The following ZYG11B variants were observed in gnomAD, a reference collection of about 807,000 sequenced individuals.
ZYG11B encodes protein zyg-11 homolog B.
Under a neutral mutation model 82.4 loss-of-function variants are expected in ZYG11B, and 36 were observed. The observed-to-expected ratio is 0.44, with a 90% CI of 0.33 to 0.58. The LOEUF (loss-of-function observed/expected upper bound fraction) is 0.58, where lower values mean the gene tolerates loss of function less well. Among genes scored for constraint, ZYG11B ranks in the 20% least tolerant of loss-of-function variants. The pLI is 0.02. For synonymous variants in ZYG11B, 303 were observed against 312.8 expected, an observed-to-expected ratio of 0.97 and a Z score of 0.33; for missense variants, 552 against 895.6, an observed-to-expected ratio of 0.62 and a Z score of 4.90.
At chr1:52,738,163 A>T (rs908930734) in intron 1 of ZYG11B, among the ~76,000 whole-genome samples, 1 of 152,170 alleles carries the variant, frequency 6.6e-6, no homozygotes, top group South Asian at 2.1e-4. Context: ...GTTACTGCTA[A>T]ATCTAGAGGG....
rs552433134 is a variant in ZYG11B, at chr1:52,763,814, A to G, written c.196+7191A>G. Among the ~76,000 whole-genome samples, 11 of 152,308 alleles carry G rather than the reference A, an allele frequency of 7.2e-5. No individual in the cohort carries two copies. In the East Asian group the frequency reaches 1.9e-3, roughly 27 times the overall value. On this transcript the variant is annotated intron_variant, in intron 2 of 13. Transcript: ENST00000294353. ...ATAATGTTTCTGTGTCATACTGTCA[A>G]TCTAATCTAAATTTATAAATCTTGA...
Position 52,816,780 on chromosome 1 carries a change from C to CTT in ZYG11B, c.2044+175_2044+176dup, listed in dbSNP as rs71044423. The CTT allele has an allele frequency of 9.4e-3, 2,490 of 263,548 alleles. 15 individuals carry two copies. Among genetic ancestry groups the CTT allele is most frequent in the African/African-American group, 0.014 (327 of 23,480 alleles). The allele number at this position is 263,548 out of a possible 1,614,324, so 16.3% of individuals were successfully genotyped here. ...TCTTAGGTTATAAACTTAAGGTATT[C>CTT]TTTTTTTTTTTTTTTTTTTTTTTTT... is the stretch of plus-strand genomic sequence containing the variant. On this transcript the variant is annotated intron_variant, in intron 13 of 13. Transcript: ENST00000294353.
rs1254432670 is a variant in ZYG11B, at chr1:52,769,157, T to C, written c.197-1863T>C. Among the ~76,000 whole-genome samples, 3 of 152,226 alleles carry C rather than the reference T, an allele frequency of 2.0e-5. No homozygotes were observed. In the East Asian group the frequency reaches 5.8e-4, roughly 29 times the overall value. On this transcript the variant is annotated intron_variant, in intron 2 of 13. Transcript: ENST00000294353. Reference sequence around the variant, plus strand: ...TATTTTTCTTTGTATCTACAACATTTAGAGTACTTGACATATAGTAATTGT... The same window carrying C: ...TATTTTTCTTTGTATCTACAACATTCAGAGTACTTGACATATAGTAATTGT...
chr1:52,807,281 C>T (rs1371860296), intron 10 of ZYG11B, among the ~76,000 whole-genome samples: 2 of 151,422 alleles, frequency 1.3e-5, no homozygotes, highest in East Asian at 2.0e-4. Flanking sequence ...GGATTACAGG[C>T]GTGAGGCACC....
At position 52,802,618 on chromosome 1, in the gene ZYG11B, T is replaced by C. The variant is rs578110718; in HGVS notation, c.1695+479T>C. Among the ~76,000 whole-genome samples the C allele has an allele frequency of 2.4e-4, 36 of 151,888 alleles. No individual in the cohort carries two copies. The South Asian group carries it at 7.3e-3, about 31-fold the overall frequency. ...CTCCTACCTCGGCCTCCCAAAGTGC[T>C]GGGATTATAGGCATGAGCTGCCTGG... is the stretch of plus-strand genomic sequence containing the variant. On this transcript the variant is annotated intron_variant, in intron 10 of 13. Transcript: ENST00000294353.
intron 13 of ZYG11B, 65 bp downstream of exon 13, chr1:52,816,694 G>T: frequency 8.5e-7 from 1 of 1,174,332 alleles, no homozygotes; most frequent in Non-Finnish European, 1.2e-6. Flanking sequence ...TCCCAGGAAA[G>T]ATATTTCTAA....
intron 1 of ZYG11B, among the ~76,000 whole-genome samples, chr1:52,746,205 G>GC (rs1644475107): frequency 6.6e-6 from 1 of 152,014 alleles, no homozygotes; most frequent in African/African-American, 2.4e-5. Context: ...ACCCGCCTTG[G>GC]CCCCCCAAAA....
At chr1:52,781,923 G>C (rs1644859994) in intron 4 of ZYG11B, among the ~76,000 whole-genome samples, 1 of 151,742 alleles carries the variant, frequency 6.6e-6, no homozygotes, top group African/African-American at 2.4e-5. Context: ...CTTGGTATAT[G>C]AATTGTCTTT....
intron 1 of ZYG11B, 41 bp downstream of exon 1, chr1:52,726,724 C>A: frequency 6.9e-7 from 1 of 1,445,742 alleles, no homozygotes; most frequent in South Asian, 1.4e-5. Flanking sequence ...CCGCCCGCCA[C>A]CCTAGCCCCC....
intron 10 of ZYG11B, among the ~76,000 whole-genome samples, chr1:52,811,707 A>G (rs1314678552): frequency 1.3e-5 from 2 of 151,430 alleles, no homozygotes; most frequent in Non-Finnish European, 2.9e-5. Context: ...TCAGATACTT[A>G]GTTTTGTTTT....
intron 10 of ZYG11B, among the ~76,000 whole-genome samples, chr1:52,806,925 G>A (rs920977829): frequency 6.6e-6 from 1 of 151,682 alleles, no homozygotes; most frequent in Non-Finnish European, 1.5e-5. Flanking sequence ...CTAGAGTGCA[G>A]TGGTGTGATC....
At chr1:52,764,068 C>G (rs576109969) in intron 2 of ZYG11B, among the ~76,000 whole-genome samples, 2 of 152,110 alleles carry the variant, frequency 1.3e-5, no homozygotes, top group Non-Finnish European at 2.9e-5. Context: ...CTGTATTTTA[C>G]TCCTTGAAAG....
chr1:52,762,174 A>G (rs1172196506), intron 2 of ZYG11B, among the ~76,000 whole-genome samples: 6 of 147,730 alleles, frequency 4.1e-5, no homozygotes, highest in African/African-American at 1.5e-4. Flanking sequence ...TTAGTTTGAT[A>G]TAATCCCATT....
intron 1 of ZYG11B, among the ~76,000 whole-genome samples, chr1:52,735,359 C>T (rs1644370709): frequency 1.3e-5 from 2 of 152,132 alleles, no homozygotes; most frequent in African/African-American, 4.8e-5. Context: ...CTTTGAAGAA[C>T]AATATGTCTT....
Position 52,775,675 on chromosome 1 carries a change from A to G in ZYG11B, c.951+3901A>G, listed in dbSNP as rs1160998618. Among the ~76,000 whole-genome samples the G allele has an allele frequency of 2.1e-5, 3 of 139,704 alleles. No individual in the cohort carries two copies. The Admixed American group carries it at 2.2e-4, about 10-fold the overall frequency. The allele number at this position is 139,704 out of a possible 152,430, so 91.7% of individuals were successfully genotyped here. A position where few individuals can be genotyped will look rare whatever the true frequency, so the allele number is the denominator to read the frequency against. ...CACTGCACTCCAGCCTGGGCGATAG[A>G]GTGGGTCTGTGTCTCAAAAACAAAA... On this transcript the variant is annotated intron_variant, in intron 3 of 13. Coordinates refer to ENST00000294353, the MANE Select transcript of ZYG11B (RefSeq NM_024646.3).
intron 1 of ZYG11B, 112 bp downstream of exon 1, chr1:52,726,795 C>A: frequency 9.7e-7 from 1 of 1,033,302 alleles, no homozygotes; most frequent in South Asian, 2.2e-5. Flanking sequence ...CCTCGGGCTC[C>A]CTGCCTTTAC....
At chr1:52,754,804 T>C (rs1368785919) in intron 1 of ZYG11B, among the ~76,000 whole-genome samples, 1 of 152,244 alleles carries the variant, frequency 6.6e-6, no homozygotes, top group Non-Finnish European at 1.5e-5. Flanking sequence ...TTTACACCTA[T>C]GTTTTCTTCT....
intron 10 of ZYG11B, among the ~76,000 whole-genome samples, chr1:52,810,560 A>T (rs1249821731): frequency 6.6e-6 from 1 of 152,192 alleles, no homozygotes; most frequent in Non-Finnish European, 1.5e-5. Flanking sequence ...GCAATAGCTC[A>T]CTTTGTTTTC....
chr1:52,786,736 A>C (rs972998414), intron 5 of ZYG11B, among the ~76,000 whole-genome samples: 1 of 152,168 alleles, frequency 6.6e-6, no homozygotes, highest in Non-Finnish European at 1.5e-5. Context: ...AACTGTGATC[A>C]AGCCACTGTA....
Sources: gnomAD v4.1 joint callset for allele counts (sites outside exome capture counted in the v4.1 genomes callset) on GRCh38, gnomAD v4.1.1 for gene constraint, MANE v1.5 for transcripts, NCBI Gene and HGNC (gene_info 2026-07-23, HGNC 2026-07-21) for gene names.